PLSCR4: variants seen among roughly 807,000 people sequenced by gnomAD.
PLSCR4 encodes the protein Ca(2+)-dependent phospholipid scramblase 4.
PLSCR4 carries 25 observed loss-of-function variants against 36.3 expected under a neutral mutation model. The observed-to-expected ratio is 0.69, with a 90% CI of 0.50 to 0.96. The LOEUF (loss-of-function observed/expected upper bound fraction) is 0.96. Ranked by LOEUF, PLSCR4 falls within the 40% of genes least tolerant of loss-of-function variation. PLSCR4 has a pLI of 0.00. For missense variants in PLSCR4, 408 were observed against 414.7 expected (o/e 0.98, Z 0.14); for synonymous variants, 122 against 132.9 (o/e 0.92, Z 0.56).
intron 1 of PLSCR4, among the ~76,000 whole-genome samples, chr3:146,243,859 C>T (rs2036248122): frequency 6.6e-6 from 1 of 152,166 alleles, no homozygotes; most frequent in African/African-American, 2.4e-5. Flanking sequence ...GATATTTCTT[C>T]TCACTTAAAA....
chr3:146,245,303 C>T (rs143503152), intron 1 of PLSCR4, among the ~76,000 whole-genome samples: 1,633 of 152,120 alleles, frequency 0.011, 20 homozygotes, highest in Non-Finnish European at 0.015. Flanking sequence ...AACCTATCTG[C>T]TGTAGGAATC....
chr3:146,222,131 C>G (rs2035183399), intron 1 of PLSCR4, 39 bp from the exon 2 acceptor site: 3 of 771,344 alleles, frequency 3.9e-6, no homozygotes, highest in Non-Finnish European at 5.8e-6. Context: ...AAAATACATA[C>G]ATAATAAATA....
At chr3:146,207,191 T>G (rs2034383530) in intron 3 of PLSCR4, among the ~76,000 whole-genome samples, 1 of 152,152 alleles carries the variant, frequency 6.6e-6, no homozygotes, top group African/African-American at 2.4e-5. Flanking sequence ...TCTATTGTTA[T>G]TGTTTGTGGT....
intron 1 of PLSCR4, among the ~76,000 whole-genome samples, chr3:146,238,205 A>G (rs2035996755): frequency 1.6e-5 from 2 of 125,898 alleles, no homozygotes; most frequent in South Asian, 4.6e-4. Context: ...AACTTCCCAC[A>G]AAAAAAAAAA....
intron 1 of PLSCR4, among the ~76,000 whole-genome samples, chr3:146,231,589 A>C (rs114907765): frequency 0.017 from 2,561 of 152,238 alleles, 78 homozygotes; most frequent in African/African-American, 0.058. Flanking sequence ...TGTGGTTTTG[A>C]TATGCATTTC....
At chr3:146,232,468 A>C (rs1317352227) in intron 1 of PLSCR4, among the ~76,000 whole-genome samples, 1 of 152,174 alleles carries the variant, frequency 6.6e-6, no homozygotes, top group Non-Finnish European at 1.5e-5. Flanking sequence ...CTTCCTATCC[A>C]TGGGCATGGA....
chr3:146,195,693 C>T (rs1457742570), intron 7 of PLSCR4, among the ~76,000 whole-genome samples: 1 of 152,142 alleles, frequency 6.6e-6, no homozygotes, highest in Non-Finnish European at 1.5e-5. Flanking sequence ...GAGTGAAATT[C>T]ACCTTGTCTT....
chr3:146,196,399 A>G (rs2033744314), intron 7 of PLSCR4: 1 of 465,712 alleles, frequency 2.1e-6, no homozygotes, highest in Non-Finnish European at 3.8e-6. Flanking sequence ...GTATTAAATG[A>G]TTTCTTTTTA....
In PLSCR4 at chr3:146,229,624, TA is replaced by T. The variant is rs1428672288; in HGVS notation, c.-21-7533del. Among the ~76,000 whole-genome samples the T allele has an allele frequency of 1.7e-3, 238 of 141,242 alleles. 1 individual carries two copies. Among genetic ancestry groups the T allele is most frequent in the South Asian group, 5.6e-3 (25 of 4,464 alleles). The allele number at this position is 141,242 out of a possible 152,430, so 92.7% of individuals were successfully genotyped here. Reference sequence around the variant, plus strand: ...TTATTTATTTATTTATTTATTTATTTATTTATTTATTTATTTATGAGATGGA... The same window carrying T: ...TTATTTATTTATTTATTTATTTATTTTTTATTTATTTATTTATGAGATGGA... On this transcript the variant is annotated intron_variant, in intron 1 of 8. Transcript: ENST00000354952.
At chr3:146,212,307 TTC>T (rs964799281) in intron 3 of PLSCR4, among the ~76,000 whole-genome samples, 14 of 152,184 alleles carry the variant, frequency 9.2e-5, no homozygotes, top group African/African-American at 3.1e-4. Flanking sequence ...TAATTTTAAT[TTC>T]TTTTTACATT....
At chr3:146,194,506 T>A in intron 8 of PLSCR4, 51 bp from the exon 9 acceptor site, 2 of 1,093,166 alleles carry the variant, frequency 1.8e-6, no homozygotes, top group Non-Finnish European at 2.8e-6. Flanking sequence ...TTAGGTATAA[T>A]GCATGCGGTA....
chr3:146,225,914 G>A (rs9876826), intron 1 of PLSCR4, among the ~76,000 whole-genome samples: 55,297 of 152,112 alleles, frequency 0.36, 10,150 homozygotes, highest in African/African-American at 0.4. Context: ...AAATGCCGCC[G>A]AAGTGGGAGC....
chr3:146,200,182 C>A, intron 5 of PLSCR4, 143 bp from the exon 6 acceptor site: 1 of 586,560 alleles, frequency 1.7e-6, no homozygotes, highest in East Asian at 2.8e-5. Context: ...TTAGAGTACC[C>A]CAAAAATCAT....
At chr3:146,242,712 T>C (rs1201778773) in intron 1 of PLSCR4, among the ~76,000 whole-genome samples, 2 of 152,194 alleles carry the variant, frequency 1.3e-5, no homozygotes, top group Non-Finnish European at 2.9e-5. Context: ...ACCCAGAACC[T>C]GTGCTTTTCG....
chr3:146,229,628 TA>T (rs1212140410), intron 1 of PLSCR4, among the ~76,000 whole-genome samples: 36 of 144,034 alleles, frequency 2.5e-4, no homozygotes, highest in East Asian at 1.4e-3. Flanking sequence ...TTTATTTATT[TA>T]TTTATTTATT....
chr3:146,227,463 C>T (rs1341138493), intron 1 of PLSCR4, among the ~76,000 whole-genome samples: 13 of 152,202 alleles, frequency 8.5e-5, no homozygotes, highest in South Asian at 4.2e-4. Flanking sequence ...TGGATATCAC[C>T]GCAGCACCCA....
chr3:146,218,616 G>A (rs2034998547), intron 3 of PLSCR4, among the ~76,000 whole-genome samples: 1 of 151,994 alleles, frequency 6.6e-6, no homozygotes, highest in Non-Finnish European at 1.5e-5. Flanking sequence ...TGGGAAATTG[G>A]TATATTATAC....
intron 4 of PLSCR4, among the ~76,000 whole-genome samples, chr3:146,201,402 A>G (rs1167105766): frequency 6.6e-6 from 1 of 152,110 alleles, no homozygotes; most frequent in Non-Finnish European, 1.5e-5. Flanking sequence ...TTGTTCCTAG[A>G]TAAGTCCCTA....
chr3:146,231,562 A>G (rs1258956920), intron 1 of PLSCR4, among the ~76,000 whole-genome samples: 2 of 152,196 alleles, frequency 1.3e-5, no homozygotes, highest in Non-Finnish European at 2.9e-5. Context: ...TCTGACTGCT[A>G]TGAGATAGTA....
Sources: allele counts gnomAD v4.1 joint callset (sites outside exome capture counted in the v4.1 genomes callset), GRCh38; gene constraint gnomAD v4.1.1; transcripts MANE v1.5; gene names NCBI Gene and HGNC (gene_info 2026-07-23, HGNC 2026-07-21).